DENND11: variants seen among roughly 807,000 people sequenced by gnomAD.
The protein encoded by DENND11 is DENN domain-containing protein 11.
In DENND11, 34 loss-of-function variants were observed where a neutral mutation model predicts 49.2. The observed-to-expected ratio is 0.69, with a 90% CI of 0.53 to 0.92. The LOEUF (loss-of-function observed/expected upper bound fraction) is 0.92, where lower values mean the gene tolerates loss of function less well. DENND11 is among the 40% of genes least tolerant of loss of function. The pLI is 0.00. For synonymous variants in DENND11, 238 were observed against 230.3 expected, an observed-to-expected ratio of 1.03 and a Z score of -0.30; for missense variants, 475 against 581.6, an observed-to-expected ratio of 0.82 and a Z score of 1.88.
At position 141,685,570 on chromosome 7, in the gene DENND11, C is replaced by T. The variant is rs749309367; in HGVS notation, c.435G>A (p.Leu145=). The T allele has an allele frequency of 3.1e-6, 5 of 1,613,892 alleles. No individual in the cohort carries two copies. The East Asian group carries it at 8.9e-5, about 29-fold the overall frequency. Residue 145 remains leucine (L), a synonymous_variant, in exon 3 of 9, where the codon CTG becomes CTA. Transcript: ENST00000536163. Reference sequence around the variant, plus strand: ...CAGACTTCATCCGCGCGCCACGTTCCAGCTCGCTCTCCACGGGCATGTTGG... The same window carrying T: ...CAGACTTCATCCGCGCGCCACGTTCTAGCTCGCTCTCCACGGGCATGTTGG... ...CFANMPVESE[L]ERGARMKSVG...
chr7:141,660,969 T>C lies in DENND11; in HGVS notation c.*1687A>G, dbSNP rs576843236. ...ACTTATTTATATATTTACATAAAGA[T>C]GCTACCTTGATTAATCAATGTCTAT... On this transcript the variant is annotated 3_prime_UTR_variant, in exon 9 of 9. Transcript: ENST00000536163. The C allele has an allele frequency of 1.3e-5, 2 of 152,572 alleles. No individual in the cohort carries two copies. Among genetic ancestry groups the C allele is most frequent in the African/African-American group, 4.8e-5 (2 of 41,588 alleles). 9.5% of individuals were successfully genotyped at this position (152,572 alleles called of 1,614,324 possible). A position where few individuals can be genotyped will look rare whatever the true frequency, so the allele number is the denominator to read the frequency against.
chr7:141,670,215 G>T (rs1238338017), intron 4 of DENND11, among the ~76,000 whole-genome samples: 1 of 152,026 alleles, frequency 6.6e-6, no homozygotes, highest in Non-Finnish European at 1.5e-5. Context: ...CTCATCCAGG[G>T]AATACATAAC....
chr7:141,685,404 C>A (rs1194888580), intron 3 of DENND11, 74 bp downstream of exon 3: 1 of 1,548,932 alleles, frequency 6.5e-7, no homozygotes, highest in Non-Finnish European at 8.8e-7. Context: ...CAAATGCTGT[C>A]TCCGAGGGCT....
Position 141,685,024 on chromosome 7 carries a change from AAAAAAATAT to A in DENND11, c.527+445_527+453del, listed in dbSNP as rs1233832072. On this transcript the variant is annotated intron_variant, in intron 3 of 8. Coordinates refer to ENST00000536163, the MANE Select transcript of DENND11 (RefSeq NM_001080392.2). ...AGCCTGTCTCTACCAAAAAAAAAAA[AAAAAAATAT>A]ATATATATATATATATATATATATA... 2.4e-4 allele frequency among the ~76,000 whole-genome samples: 25 copies of A among 102,570 alleles called. No homozygotes were observed. In the Admixed American group the frequency reaches 2.7e-3, roughly 11 times the overall value. 67.3% of individuals were successfully genotyped at this position (102,570 alleles called of 152,430 possible).
In DENND11 at chr7:141,665,266, G is replaced by T; in HGVS notation, c.873C>A (p.Thr291=). 6.2e-7 allele frequency: 1 copy of T among 1,613,808 alleles called. No individual in the cohort carries two copies. The highest frequency in any genetic ancestry group is 8.5e-7 in the Non-Finnish European group (1 of 1,179,836). ...AGAAGAAAGGTTTGGACTCAGGAAT[G>T]GTGCCCCCGATGCCAGGCAGTGAAA... ...ANVSLPGIGG[T]IPESKPFFYV... Residue 291 remains threonine (T), a synonymous_variant, in exon 6 of 9, where the codon ACC becomes ACA. Transcript: ENST00000536163.
intron 3 of DENND11, among the ~76,000 whole-genome samples, chr7:141,681,939 T>C (rs1443281627): frequency 2.6e-5 from 4 of 152,200 alleles, no homozygotes; most frequent in Non-Finnish European, 5.9e-5. Context: ...AGAACCAAAG[T>C]TGAGCCAAGA....
At chr7:141,664,331 A>C in intron 7 of DENND11, 91 bp from the exon 8 acceptor site, 1 of 935,792 alleles carries the variant, frequency 1.1e-6, no homozygotes. Flanking sequence ...ATGGGCCACC[A>C]CCTCCCAGGA....
In DENND11 at chr7:141,662,890, G is replaced by GGGGGGC. The variant is rs1554407457; in HGVS notation, c.1173-40_1173-39insGCCCCC. The stretch of plus-strand genomic sequence containing the variant: ...ACAAGACACAGGAAAGGAAGCGGGG[G>GGGGGGC]GGAATAAAAAGCTCACCAGATAATC... On this transcript the variant is annotated intron_variant, in intron 8 of 8. Coordinates refer to ENST00000536163, the MANE Select transcript of DENND11 (RefSeq NM_001080392.2). 7 of 1,449,370 alleles carry GGGGGGC rather than the reference G, an allele frequency of 4.8e-6. No individual in the cohort carries two copies. In the African/African-American group the frequency reaches 1.1e-4, roughly 22 times the overall value. The allele number at this position is 1,449,370 out of a possible 1,614,324, so 89.8% of individuals were successfully genotyped here. A position where few individuals can be genotyped will look rare whatever the true frequency, so the allele number is the denominator to read the frequency against.
rs570025229 is a variant in DENND11, at chr7:141,665,387, G to A, written c.821-69C>T. The A allele has an allele frequency of 3.8e-4, 604 of 1,585,922 alleles. 2 individuals are homozygous for A. In the African/African-American group the frequency reaches 5.3e-3, roughly 14 times the overall value. ...CAGCCCTTCCTCCCTCGGAGCCTGC[G>A]GCTCAACACCTCTGCTCCAGGCTAT... is the stretch of plus-strand genomic sequence containing the variant. On this transcript the variant is annotated intron_variant, in intron 5 of 8. Transcript: ENST00000536163.
intron 1 of DENND11, among the ~76,000 whole-genome samples, chr7:141,700,477 G>GAA (rs201716585): frequency 2.3e-4 from 27 of 117,628 alleles, no homozygotes; most frequent in Admixed American, 9.9e-4. Context: ...GACACTGTCT[G>GAA]AAAAAAAAAA....
At chr7:141,685,877 A>G (rs1377606078) in intron 2 of DENND11, among the ~76,000 whole-genome samples, 1 of 152,142 alleles carries the variant, frequency 6.6e-6, no homozygotes, top group Non-Finnish European at 1.5e-5. Context: ...AGCTGCCCAC[A>G]ATCATGGACA....
intron 3 of DENND11, among the ~76,000 whole-genome samples, chr7:141,680,076 G>A (rs117976176): frequency 2.6e-5 from 4 of 152,240 alleles, no homozygotes; most frequent in Non-Finnish European, 4.4e-5. Context: ...TTAATATACA[G>A]ATATACCCCT....
intron 3 of DENND11, among the ~76,000 whole-genome samples, chr7:141,684,328 T>C (rs754289226): frequency 6.6e-6 from 1 of 152,226 alleles, no homozygotes; most frequent in Non-Finnish European, 1.5e-5. Context: ...TGGAGGAATA[T>C]TTCAAGGAAT....
At chr7:141,693,209 G>A (rs1563005120) in intron 1 of DENND11, among the ~76,000 whole-genome samples, 1 of 152,174 alleles carries the variant, frequency 6.6e-6, no homozygotes, top group Admixed American at 6.5e-5. Flanking sequence ...GATCTGAACA[G>A]ACAACTGATC....
chr7:141,675,998 A>G (rs1159685350), intron 3 of DENND11, among the ~76,000 whole-genome samples: 1 of 152,188 alleles, frequency 6.6e-6, no homozygotes, highest in Non-Finnish European at 1.5e-5. Flanking sequence ...CTAGACAGGA[A>G]ACCCATGGTC....
intron 1 of DENND11, among the ~76,000 whole-genome samples, chr7:141,688,893 A>G (rs1476552356): frequency 6.6e-6 from 1 of 152,200 alleles, no homozygotes; most frequent in Admixed American, 6.5e-5. Context: ...CAGTGGCAGT[A>G]TATGGTCAGC....
rs772788478 is a variant in DENND11 at position 141,660,158 on chromosome 7, G to C, written c.*2498C>G. ...CAACAGTGGCAAAGGTAACTGAAGA[G>C]ATAAAGCACACGCTGTTCAGCCAAG... On this transcript the variant is annotated 3_prime_UTR_variant, in exon 9 of 9. Transcript: ENST00000536163. The C allele has an allele frequency of 5.3e-5, 8 of 152,226 alleles. No individual in the cohort carries two copies. The highest frequency in any genetic ancestry group is 3.9e-4 in the Admixed American group (6 of 15,288). The allele number at this position is 152,226 out of a possible 1,614,324, so 9.4% of individuals were successfully genotyped here.
At chr7:141,677,525 A>G (rs1255968343) in intron 3 of DENND11, among the ~76,000 whole-genome samples, 1 of 145,012 alleles carries the variant, frequency 6.9e-6, no homozygotes, top group South Asian at 2.2e-4. Flanking sequence ...ATATATGTAT[A>G]TATATATATA....
intron 3 of DENND11, among the ~76,000 whole-genome samples, chr7:141,674,485 C>G (rs745406788): frequency 1.3e-5 from 2 of 152,152 alleles, no homozygotes; most frequent in Non-Finnish European, 2.9e-5. Context: ...TCATGGGAAA[C>G]AGACAGAATT....
Sources: allele counts gnomAD v4.1 joint callset (sites outside exome capture counted in the v4.1 genomes callset), GRCh38; gene constraint gnomAD v4.1.1; transcripts MANE v1.5; gene names NCBI Gene and HGNC (gene_info 2026-07-23, HGNC 2026-07-21).